Variants in DCC observed in about 807,000 individuals in gnomAD.
DCC encodes netrin receptor DCC.
DCC carries 58 observed loss-of-function variants against 172.5 expected under a neutral mutation model. That is an observed-to-expected ratio of 0.34 (90% CI 0.27 to 0.42). The LOEUF (loss-of-function observed/expected upper bound fraction) is 0.42. Ranked by LOEUF, DCC falls within the 10% of genes least tolerant of loss-of-function variation. The pLI is 1.00. For synonymous variants in DCC, 709 were observed against 644.5 expected, an observed-to-expected ratio of 1.10 and a Z score of -1.52; for missense variants, 1,740 against 1,791.0, an observed-to-expected ratio of 0.97 and a Z score of 0.51.
chr18:53,405,554 CTAATGTGCTTTAT>C (rs1260465521), intron 19 of DCC, among the ~76,000 whole-genome samples: 1 of 152,114 alleles, frequency 6.6e-6, no homozygotes, highest in East Asian at 1.9e-4. Flanking sequence ...TGAGGCTTTA[CTAATGTGCTTTAT>C]ACAGAATCCA....
At chr18:53,382,922 C>A (rs72929472) in intron 15 of DCC, among the ~76,000 whole-genome samples, 378 of 152,178 alleles carry the variant, frequency 2.5e-3, no homozygotes, top group Non-Finnish European at 4.0e-3. Context: ...TCAATCAGAT[C>A]AATTTTTATA....
rs183585712 is a variant in DCC at position 52,848,584 on chromosome 18, G to A, written c.413-57460G>A. 7.2e-5 allele frequency among the ~76,000 whole-genome samples: 11 copies of A among 152,094 alleles called. 1 individual carries two copies. The East Asian group carries it at 2.1e-3, about 29-fold the overall frequency. ...TTATATTTACTTAATGTAAGTAATT[G>A]GAGTAATGGCTTTGGAGTTTCGCAT... On this transcript the variant is annotated intron_variant, in intron 2 of 28. Transcript: ENST00000442544.
intron 8 of DCC, among the ~76,000 whole-genome samples, chr18:53,172,913 A>G (rs1417418825): frequency 1.3e-5 from 2 of 152,178 alleles, no homozygotes; most frequent in Non-Finnish European, 2.9e-5. Context: ...AAGCCTTTGA[A>G]TAAATCATGT....
chr18:52,826,670 G>A (rs540203907), intron 2 of DCC, among the ~76,000 whole-genome samples: 3 of 151,862 alleles, frequency 2.0e-5, no homozygotes, highest in Admixed American at 1.3e-4. Context: ...GTAGAGATGG[G>A]GTTTCACCAT....
At chr18:53,341,536 T>C (rs1371748067) in intron 15 of DCC, among the ~76,000 whole-genome samples, 1 of 152,218 alleles carries the variant, frequency 6.6e-6, no homozygotes, top group Non-Finnish European at 1.5e-5. Flanking sequence ...GAGTTTGCAC[T>C]CTACAACTTA....
intron 21 of DCC, among the ~76,000 whole-genome samples, chr18:53,420,840 C>A (rs370944090): frequency 1.1e-3 from 160 of 152,268 alleles, no homozygotes; most frequent in African/African-American, 3.7e-3. Context: ...TTATTTCACT[C>A]CTTCACTAAT....
At chr18:53,253,175 T>G (rs140002091) in intron 12 of DCC, among the ~76,000 whole-genome samples, 4 of 152,004 alleles carry the variant, frequency 2.6e-5, no homozygotes, top group Admixed American at 2.6e-4. Context: ...CCGGAATATT[T>G]TGAAAATCTA....
intron 7 of DCC, among the ~76,000 whole-genome samples, chr18:53,093,031 G>T (rs553246604): frequency 6.6e-6 from 1 of 152,148 alleles, no homozygotes; most frequent in Non-Finnish European, 1.5e-5. Flanking sequence ...AGCACTTTGG[G>T]AGGCCAAGGC....
chr18:52,654,953 C>T (rs182671471), intron 1 of DCC, among the ~76,000 whole-genome samples: 193 of 152,252 alleles, frequency 1.3e-3, no homozygotes, highest in African/African-American at 4.5e-3. Flanking sequence ...GCATAAACCA[C>T]CCAGCTTTAA....
chr18:53,200,052 C>T (rs1001298384), intron 9 of DCC, among the ~76,000 whole-genome samples: 3 of 152,234 alleles, frequency 2.0e-5, no homozygotes, highest in South Asian at 2.1e-4. Context: ...TTGATAAAAA[C>T]GCATCCTGTT....
intron 1 of DCC, among the ~76,000 whole-genome samples, chr18:52,515,346 G>T (rs1627755): frequency 2.0e-5 from 3 of 151,568 alleles, no homozygotes; most frequent in Admixed American, 6.6e-5. Context: ...GGTGGCTCAC[G>T]CCTGTAATCT....
intron 3 of DCC, 122 bp from the exon 4 acceptor site, chr18:52,923,585 C>A (rs2040156178): frequency 8.8e-6 from 7 of 793,386 alleles, no homozygotes; most frequent in Non-Finnish European, 1.5e-5. Context: ...TAGGAGTTTA[C>A]AAATTTCATT....
chr18:53,509,073 A>G (rs753782317), intron 27 of DCC, among the ~76,000 whole-genome samples: 2 of 152,204 alleles, frequency 1.3e-5, no homozygotes, highest in African/African-American at 4.8e-5. Context: ...ATTTAATGTG[A>G]TTAAAGCTTC....
At chr18:52,795,626 A>G (rs1160062773) in intron 2 of DCC, among the ~76,000 whole-genome samples, 2 of 151,286 alleles carry the variant, frequency 1.3e-5, no homozygotes, top group African/African-American at 4.8e-5. Context: ...TTGTTATTTC[A>G]TTTCTTCTGC....
rs1482079894 is a variant in DCC, at chr18:52,558,864, T to C, written c.92-193190T>C. Among the ~76,000 whole-genome samples the C allele has an allele frequency of 2.0e-5, 3 of 152,176 alleles. 1 individual carries two copies. The highest frequency in any genetic ancestry group is 4.1e-4 in the South Asian group (2 of 4,820). ...TAACTGGTGAACACATAGTTAGAAA[T>C]ATAGAATTTTAGAGCCAAAGGAAGC... On this transcript the variant is annotated intron_variant, in intron 1 of 28. Transcript: ENST00000442544.
chr18:53,148,257 C>T (rs538769279), intron 7 of DCC, among the ~76,000 whole-genome samples: 13 of 152,228 alleles, frequency 8.5e-5, no homozygotes, highest in African/African-American at 2.9e-4. Flanking sequence ...ACAGGATTGC[C>T]TGCCAGCCTG....
At chr18:52,774,957 T>C (rs536362376) in intron 2 of DCC, among the ~76,000 whole-genome samples, 1 of 152,250 alleles carries the variant, frequency 6.6e-6, no homozygotes, top group South Asian at 2.1e-4. Context: ...TTTCAAACCA[T>C]GTGAGAGAAA....
chr18:53,339,220 C>T (rs2057626708), intron 14 of DCC, among the ~76,000 whole-genome samples: 1 of 152,188 alleles, frequency 6.6e-6, no homozygotes, highest in South Asian at 2.1e-4. Context: ...CAAGTACCAT[C>T]CTAATCATGC....
chr18:53,213,647 CAAAAAAAAAAAAA>C lies in DCC; in HGVS notation c.1862-1886_1862-1874del, dbSNP rs34284373. On this transcript the variant is annotated intron_variant, in intron 11 of 28. Transcript: ENST00000442544. Reference sequence around the variant, plus strand: ...TGGGTGACAGAGCGAGACTCCGTCTCAAAAAAAAAAAAAAAAAAAAAAAAAAAGAAGTGACTCA... The same window carrying C: ...TGGGTGACAGAGCGAGACTCCGTCTCAAAAAAAAAAAAAAGAAGTGACTCA... 1.4e-4 allele frequency among the ~76,000 whole-genome samples: 5 copies of C among 35,378 alleles called. No homozygotes were observed. The South Asian group carries it at 6.4e-3, about 45-fold the overall frequency. 23.2% of individuals were successfully genotyped at this position (35,378 alleles called of 152,430 possible). A position where few individuals can be genotyped will look rare whatever the true frequency, so the allele number is the denominator to read the frequency against.
Sources: allele counts gnomAD v4.1 joint callset (sites outside exome capture counted in the v4.1 genomes callset), GRCh38; gene constraint gnomAD v4.1.1; transcripts MANE v1.5; gene names NCBI Gene and HGNC (gene_info 2026-07-23, HGNC 2026-07-21).